ANK2: variants seen among roughly 807,000 people sequenced by gnomAD.
The protein encoded by ANK2 is ankyrin 2, also known as ankyrin-2.
Under a neutral mutation model 360.5 loss-of-function variants are expected in ANK2, and 83 were observed. That is an observed-to-expected ratio of 0.23 (90% CI 0.19 to 0.28). The LOEUF (loss-of-function observed/expected upper bound fraction) is 0.28. Among genes scored for constraint, ANK2 ranks in the 10% least tolerant of loss-of-function variants. The pLI, the probability that ANK2 is intolerant of heterozygous loss-of-function variation, is 1.00. For missense variants in ANK2, 4,201 were observed against 4,795.7 expected, an observed-to-expected ratio of 0.88 and a Z score of 3.66; for synonymous variants, 1,740 against 1,759.5, an observed-to-expected ratio of 0.99 and a Z score of 0.28.
At chr4:112,932,138 C>A (rs1455275117) in intron 2 of ANK2, among the ~76,000 whole-genome samples, 1 of 152,118 alleles carries the variant, frequency 6.6e-6, no homozygotes, top group African/African-American at 2.4e-5. Context: ...GGGTGGATCA[C>A]AAGGTCAGGA....
intron 2 of ANK2, among the ~76,000 whole-genome samples, chr4:113,181,199 A>G (rs2098403511): frequency 6.6e-6 from 1 of 152,196 alleles, no homozygotes; most frequent in Admixed American, 6.5e-5. Context: ...TGCTGGGAGT[A>G]GCTTCATGCA....
intron 43 of ANK2, among the ~76,000 whole-genome samples, chr4:113,372,082 G>A (rs771421141): frequency 5.3e-5 from 8 of 152,146 alleles, no homozygotes; most frequent in Admixed American, 5.2e-4. Context: ...TTGACTTCCT[G>A]CAAAAAGTTC....
At chr4:112,810,095 C>G in the ANK2 span, among the ~76,000 whole-genome samples, 1 of 132,962 alleles carries the variant, frequency 7.5e-6, no homozygotes, top group Non-Finnish European at 1.6e-5. Flanking sequence ...TCTTTAGTAT[C>G]TCTAAAATAA....
At chr4:113,325,985 T>C (rs1010837984) in intron 26 of ANK2, among the ~76,000 whole-genome samples, 1 of 152,222 alleles carries the variant, frequency 6.6e-6, no homozygotes, top group Non-Finnish European at 1.5e-5. Flanking sequence ...CAAATGTTTA[T>C]GGGGATTATC....
At chr4:112,875,750 T>G (rs796461868) in intron 1 of ANK2, among the ~76,000 whole-genome samples, 5 of 151,464 alleles carry the variant, frequency 3.3e-5, no homozygotes, top group African/African-American at 1.2e-4. Context: ...TTTGTTTGTT[T>G]GTTTTAGGAG....
intron 2 of ANK2, among the ~76,000 whole-genome samples, chr4:113,019,020 C>T (rs995648302): frequency 2.6e-5 from 4 of 152,052 alleles, no homozygotes; most frequent in Admixed American, 6.5e-5. Flanking sequence ...TATGCAACTT[C>T]CTTTTTGAGC....
intron 1 of ANK2, among the ~76,000 whole-genome samples, chr4:112,848,552 G>A (rs548017671): frequency 9.1e-4 from 138 of 152,202 alleles, no homozygotes; most frequent in African/African-American, 3.1e-3. Context: ...CTTCTCAAAC[G>A]TCACTTCTAC....
intron 2 of ANK2, among the ~76,000 whole-genome samples, chr4:113,043,326 T>G (rs2063431371): frequency 1.3e-5 from 2 of 151,918 alleles, no homozygotes; most frequent in African/African-American, 4.8e-5. Context: ...AAGTATAGAC[T>G]AACACTAGGA....
chr4:112,713,599 T>C, the ANK2 span, among the ~76,000 whole-genome samples: 1 of 152,026 alleles, frequency 6.6e-6, no homozygotes, highest in Admixed American at 6.6e-5. Flanking sequence ...ATGGATTTTT[T>C]GTGTGAAGCA....
At chr4:112,880,047 C>G (rs1251327394) in intron 1 of ANK2, among the ~76,000 whole-genome samples, 4 of 143,840 alleles carry the variant, frequency 2.8e-5, no homozygotes, top group Non-Finnish European at 6.1e-5. Flanking sequence ...GACACAGACA[C>G]TCACACACAC....
At chr4:113,140,582 T>A (rs1322596068) in intron 1 of ANK2, among the ~76,000 whole-genome samples, 2 of 152,210 alleles carry the variant, frequency 1.3e-5, no homozygotes, top group Admixed American at 6.6e-5. Context: ...GAGAAAAAAA[T>A]TTAATTCAAT....
At chr4:113,086,701 G>A (rs1007133730) in intron 1 of ANK2, among the ~76,000 whole-genome samples, 14 of 152,178 alleles carry the variant, frequency 9.2e-5, no homozygotes, top group African/African-American at 3.4e-4. Context: ...GAGAGTGATG[G>A]GGGGCTCTTC....
chr4:113,189,637 G>A (rs1242366957), intron 2 of ANK2, among the ~76,000 whole-genome samples: 2 of 152,176 alleles, frequency 1.3e-5, no homozygotes, highest in Non-Finnish European at 2.9e-5. Flanking sequence ...AGAAGCAGGA[G>A]GATAGGGCAC....
chr4:113,282,005 C>G (rs1052927807), intron 17 of ANK2, among the ~76,000 whole-genome samples: 1 of 152,154 alleles, frequency 6.6e-6, no homozygotes, highest in African/African-American at 2.4e-5. Flanking sequence ...ATTGTATTCC[C>G]ACACCTAGCA....
chr4:113,072,846 T>C (rs998736177), intron 1 of ANK2, among the ~76,000 whole-genome samples: 1 of 150,316 alleles, frequency 6.7e-6, no homozygotes, highest in Non-Finnish European at 1.5e-5. Context: ...GATATTTGAA[T>C]ATTAGAGTGT....
At chr4:113,157,485 C>T (rs2097345840) in intron 1 of ANK2, among the ~76,000 whole-genome samples, 2 of 152,200 alleles carry the variant, frequency 1.3e-5, no homozygotes, top group South Asian at 4.1e-4. Flanking sequence ...AATATTGACA[C>T]ACTCTTGAAA....
rs111817640 is a variant in ANK2 at position 112,899,573 on chromosome 4, G to A, written c.-39-4882G>A. On this transcript the variant is annotated intron_variant, in intron 1 of 30. Transcript: ENST00000503271. ...AACAGAATGAACTATTTTATGAATAGTAGAAATAAGTTATAAGTAGTATGA... is the reference window on the plus strand; with the variant it reads ...AACAGAATGAACTATTTTATGAATAATAGAAATAAGTTATAAGTAGTATGA... 8.2e-3 allele frequency among the ~76,000 whole-genome samples: 1,251 copies of A among 152,228 alleles called. 12 individuals are homozygous for A. The highest frequency in any genetic ancestry group is 0.029 in the African/African-American group (1,189 of 41,542).
the ANK2 span, among the ~76,000 whole-genome samples, chr4:112,790,617 T>G: frequency 6.6e-6 from 1 of 151,778 alleles, no homozygotes; most frequent in African/African-American, 2.4e-5. Context: ...GCTTCCCAAG[T>G]AGCTGGGATT....
chr4:113,188,453 T>C (rs923671206), intron 2 of ANK2, among the ~76,000 whole-genome samples: 2 of 152,260 alleles, frequency 1.3e-5, no homozygotes, highest in Admixed American at 6.5e-5. Flanking sequence ...CTTCTACTTA[T>C]AGGGGGAAAC....
Sources: gnomAD v4.1 joint callset for allele counts (sites outside exome capture counted in the v4.1 genomes callset) on GRCh38, gnomAD v4.1.1 for gene constraint, MANE v1.5 for transcripts, NCBI Gene and HGNC (gene_info 2026-07-23, HGNC 2026-07-21) for gene names.